Variants in TNFAIP8 observed in about 807,000 individuals in gnomAD.
TNFAIP8 encodes the protein tumor necrosis factor alpha-induced protein 8.
Under a neutral mutation model 13.3 loss-of-function variants are expected in TNFAIP8, and 7 were observed. The observed-to-expected ratio is 0.52, with a 90% CI of 0.30 to 0.99. The LOEUF (loss-of-function observed/expected upper bound fraction) is 0.99. Ranked by LOEUF, TNFAIP8 falls within the 50% of genes least tolerant of loss-of-function variation. The probability of loss-of-function intolerance (pLI) is 0.07; values close to 1 mark genes in which losing one functional copy is unlikely to be tolerated. For synonymous variants in TNFAIP8, 94 were observed against 87.6 expected (o/e 1.07, Z -0.41); for missense variants, 258 against 236.9 (o/e 1.09, Z -0.58).
At chr5:119,392,108 T>G (rs1177713426) in intron 1 of TNFAIP8, among the ~76,000 whole-genome samples, 3 of 152,202 alleles carry the variant, frequency 2.0e-5, no homozygotes, top group Non-Finnish European at 4.4e-5. Flanking sequence ...AAATAGCAAG[T>G]GACAATGAGC....
At chr5:119,320,982 C>G (rs941277311) in intron 1 of TNFAIP8, among the ~76,000 whole-genome samples, 1 of 152,168 alleles carries the variant, frequency 6.6e-6, no homozygotes. Flanking sequence ...TCCGGGAGGC[C>G]GAGGTGGGCG....
At chr5:119,387,640 C>A (rs947307129) in intron 1 of TNFAIP8, among the ~76,000 whole-genome samples, 1 of 151,818 alleles carries the variant, frequency 6.6e-6, no homozygotes, top group Non-Finnish European at 1.5e-5. Flanking sequence ...CATATTTTTT[C>A]TTGAATATTT....
chr5:119,383,475 G>A (rs115516138), intron 1 of TNFAIP8, among the ~76,000 whole-genome samples: 1,944 of 152,242 alleles, frequency 0.013, 45 homozygotes, highest in African/African-American at 0.045. Context: ...TACTGATAAT[G>A]TGTGTGTGGG....
chr5:119,372,634 A>C (rs916824927), intron 1 of TNFAIP8, among the ~76,000 whole-genome samples: 1 of 152,238 alleles, frequency 6.6e-6, no homozygotes, highest in African/African-American at 2.4e-5. Context: ...CAAGTTGACC[A>C]TCATAAATTG....
intron 1 of TNFAIP8, among the ~76,000 whole-genome samples, chr5:119,350,350 T>C (rs1011261208): frequency 6.6e-6 from 1 of 152,236 alleles, no homozygotes; most frequent in African/African-American, 2.4e-5. Flanking sequence ...GCATATGGGA[T>C]GATATATGTA....
intron 1 of TNFAIP8, among the ~76,000 whole-genome samples, chr5:119,293,011 C>T (rs1430514269): frequency 6.6e-6 from 1 of 151,836 alleles, no homozygotes; most frequent in Non-Finnish European, 1.5e-5. Flanking sequence ...TAGCATTATT[C>T]CAGGTTCATC....
chr5:119,273,806 T>A (rs1165600159), intron 1 of TNFAIP8, among the ~76,000 whole-genome samples: 1 of 152,078 alleles, frequency 6.6e-6, no homozygotes, highest in Non-Finnish European at 1.5e-5. Flanking sequence ...ATCTGCAGGA[T>A]TAGGCACCGG....
At chr5:119,369,177 C>A (rs1386867417) in intron 1 of TNFAIP8, among the ~76,000 whole-genome samples, 1 of 151,870 alleles carries the variant, frequency 6.6e-6, no homozygotes, top group Non-Finnish European at 1.5e-5. Context: ...CCTCAGCCTC[C>A]CAAGTAGGTG....
At chr5:119,304,766 A>G (rs935805290) in intron 1 of TNFAIP8, among the ~76,000 whole-genome samples, 4 of 152,240 alleles carry the variant, frequency 2.6e-5, no homozygotes, top group Admixed American at 2.6e-4. Flanking sequence ...CTTCTATATC[A>G]ACTGTGTAGC....
chr5:119,272,189 AC>A (rs1199809520), intron 1 of TNFAIP8, among the ~76,000 whole-genome samples: 1 of 152,158 alleles, frequency 6.6e-6, no homozygotes, highest in East Asian at 1.9e-4. Flanking sequence ...TATCTTGGAA[AC>A]CACCTGGTCT....
intron 1 of TNFAIP8, among the ~76,000 whole-genome samples, chr5:119,270,452 G>A (rs1421239316): frequency 6.6e-6 from 1 of 152,218 alleles, no homozygotes. Flanking sequence ...TTTAGAGACA[G>A]GGTCTTGCTA....
At chr5:119,313,528 T>G (rs1749796129) in intron 1 of TNFAIP8, among the ~76,000 whole-genome samples, 1 of 152,206 alleles carries the variant, frequency 6.6e-6, no homozygotes, top group South Asian at 2.1e-4. Context: ...TGACATTTTC[T>G]TTTATTTTAA....
intron 1 of TNFAIP8, among the ~76,000 whole-genome samples, chr5:119,359,556 CA>C (rs113256177): frequency 3.1e-4 from 44 of 141,782 alleles, no homozygotes; most frequent in East Asian, 6.3e-4. Flanking sequence ...TAATCCTTGG[CA>C]AAAAAAAAAA....
chr5:119,325,109 C>A (rs1321814877), intron 1 of TNFAIP8, among the ~76,000 whole-genome samples: 1 of 152,134 alleles, frequency 6.6e-6, no homozygotes, highest in African/African-American at 2.4e-5. Flanking sequence ...GCATTACATG[C>A]CATATATGGA....
chr5:119,296,272 A>C (rs1478475157), intron 1 of TNFAIP8, among the ~76,000 whole-genome samples: 3 of 151,736 alleles, frequency 2.0e-5, no homozygotes, highest in Non-Finnish European at 4.4e-5. Context: ...TTTTTCATAG[A>C]TAGCTCTTAT....
chr5:119,328,455 TTG>T (rs1455443273), intron 1 of TNFAIP8, among the ~76,000 whole-genome samples: 1 of 152,226 alleles, frequency 6.6e-6, no homozygotes, highest in Non-Finnish European at 1.5e-5. Flanking sequence ...CTCTGGATTG[TTG>T]TCTTTTCAAG....
At chr5:119,324,329 T>A (rs1191255105) in intron 1 of TNFAIP8, among the ~76,000 whole-genome samples, 2 of 131,384 alleles carry the variant, frequency 1.5e-5, no homozygotes, top group Non-Finnish European at 3.2e-5. Flanking sequence ...AAGTTCCAAG[T>A]TCAACATTCC....
At chr5:119,325,358 A>C (rs1342017039) in intron 1 of TNFAIP8, among the ~76,000 whole-genome samples, 1 of 152,106 alleles carries the variant, frequency 6.6e-6, no homozygotes, top group Non-Finnish European at 1.5e-5. Context: ...CATATAATAT[A>C]AACTCCTTAC....
At chr5:119,307,252 G>C (rs933883378) in intron 1 of TNFAIP8, among the ~76,000 whole-genome samples, 1 of 152,084 alleles carries the variant, frequency 6.6e-6, no homozygotes, top group Non-Finnish European at 1.5e-5. Flanking sequence ...TATGGTTTAA[G>C]AATTCGCTTA....
Sources: gnomAD v4.1 joint callset for allele counts (sites outside exome capture counted in the v4.1 genomes callset) on GRCh38, gnomAD v4.1.1 for gene constraint, MANE v1.5 for transcripts, NCBI Gene and HGNC (gene_info 2026-07-23, HGNC 2026-07-21) for gene names.